The following SLC2A14 variants were observed in gnomAD, a reference collection of about 807,000 sequenced individuals.
The protein encoded by SLC2A14 is solute carrier family 2, facilitated glucose transporter member 14.
In SLC2A14, 13 loss-of-function variants were observed where a neutral mutation model predicts 43.0. The observed-to-expected ratio is 0.30, with a 90% confidence interval of 0.20 to 0.48. The LOEUF (loss-of-function observed/expected upper bound fraction) is 0.48. Ranked by LOEUF, SLC2A14 falls within the 20% of genes least tolerant of loss-of-function variation. The pLI is 0.99. For missense variants in SLC2A14, 428 were observed against 620.4 expected (o/e 0.69, Z 3.29); for synonymous variants, 190 against 233.8 (o/e 0.81, Z 1.71).
At chr12:7,829,554 CA>C (rs36068117) in intron 5 of SLC2A14, among the ~76,000 whole-genome samples, 90,729 of 143,970 alleles carry the variant, frequency 0.63, 27,921 homozygotes, top group African/African-American at 0.71. Flanking sequence ...AACTCCCTCT[CA>C]AAAAAAAAAA....
chr12:7,858,780 T>G (rs1944391224), intron 2 of SLC2A14, among the ~76,000 whole-genome samples: 1 of 152,136 alleles, frequency 6.6e-6, no homozygotes, highest in East Asian at 1.9e-4. Flanking sequence ...ATTACAGGCG[T>G]GAACCACCCT....
intron 2 of SLC2A14, among the ~76,000 whole-genome samples, chr12:7,869,172 G>A (rs1169782331): frequency 2.0e-5 from 3 of 151,120 alleles, no homozygotes; most frequent in Non-Finnish European, 4.4e-5. Context: ...TGTTGACTAA[G>A]TATGCTCTGC....
rs752473109 is a variant in SLC2A14 at position 7,831,875 on chromosome 12, G to A, written c.112-111C>T. 15 of 1,344,278 alleles carry A rather than the reference G, an allele frequency of 1.1e-5. No individual in the cohort carries two copies. In the East Asian group the frequency reaches 1.2e-4, roughly 11 times the overall value. The allele number at this position is 1,344,278 out of a possible 1,614,324, so 83.3% of individuals were successfully genotyped here. ...TGTAATCCCAGCACTTTGGAAGGCC[G>A]AGGCGGGTGGATCACCTGAGGTCAG... On this transcript the variant is annotated intron_variant, in intron 3 of 10. Coordinates refer to ENST00000431042, the MANE Select transcript of SLC2A14 (RefSeq NM_001286234.2).
chr12:7,821,424 T>G, intron 7 of SLC2A14, 99 bp from the exon 8 acceptor site: 1 of 1,054,870 alleles, frequency 9.5e-7, no homozygotes, highest in Non-Finnish European at 1.4e-6. Flanking sequence ...TGCACAGGCC[T>G]GTAATCCCAG....
intron 1 of SLC2A14, among the ~76,000 whole-genome samples, chr12:7,886,291 AG>A (rs1302122658): frequency 1.3e-5 from 2 of 150,726 alleles, no homozygotes; most frequent in African/African-American, 4.9e-5. Flanking sequence ...CCTCCCAAGT[AG>A]CTGGGACCAC....
chr12:7,822,668 CAAAA>C (rs56052601), intron 7 of SLC2A14, among the ~76,000 whole-genome samples: 3 of 119,218 alleles, frequency 2.5e-5, no homozygotes, highest in Admixed American at 8.6e-5. Flanking sequence ...GACTCCATCT[CAAAA>C]AAAAAAAAAA....
chr12:7,849,292 C>T (rs189787479), intron 2 of SLC2A14, among the ~76,000 whole-genome samples: 1 of 151,814 alleles, frequency 6.6e-6, no homozygotes, highest in Admixed American at 6.6e-5. Context: ...TGCTTGAGTC[C>T]AGGAGTTCAA....
In SLC2A14 at chr12:7,818,129, C is replaced by T. The variant is rs77567596; in HGVS notation, c.1072-95G>A. 467 of 1,084,860 alleles carry T rather than the reference C, an allele frequency of 4.3e-4. 1 individual carries two copies. In the African/African-American group the frequency reaches 6.1e-3, roughly 14 times the overall value. The allele number at this position is 1,084,860 out of a possible 1,614,324, so 67.2% of individuals were successfully genotyped here. ...CAACTAATGGCAAGCTCCTCCTGTC[C>T]TGACGTACAATACAAAGAGTGGCTG... On this transcript the variant is annotated intron_variant, in intron 9 of 10. Coordinates refer to ENST00000431042, the MANE Select transcript of SLC2A14 (RefSeq NM_001286234.2).
chr12:7,884,776 G>C (rs1452722665), intron 1 of SLC2A14, among the ~76,000 whole-genome samples: 1 of 152,064 alleles, frequency 6.6e-6, no homozygotes, highest in Non-Finnish European at 1.5e-5. Flanking sequence ...ATTTTTGTTT[G>C]TTAAACTTTG....
At chr12:7,831,909 G>A in intron 3 of SLC2A14, 145 bp from the exon 4 acceptor site, 1 of 860,270 alleles carries the variant, frequency 1.2e-6, no homozygotes, top group Non-Finnish European at 1.8e-6. Flanking sequence ...AGGAGTTGCA[G>A]ACCAACCTGA....
intron 1 of SLC2A14, chr12:7,871,317 T>G: frequency 9.4e-7 from 1 of 1,064,650 alleles, no homozygotes; most frequent in South Asian, 2.6e-5. Context: ...AAAGACAAGT[T>G]CAACTAGGTG....
chr12:7,818,882 C>A (rs1178184058), intron 9 of SLC2A14, among the ~76,000 whole-genome samples: 1 of 151,692 alleles, frequency 6.6e-6, no homozygotes, highest in South Asian at 2.1e-4. Flanking sequence ...TACTGAGACC[C>A]CGTCATCATC....
At chr12:7,833,356 T>C (rs1865189851) in intron 2 of SLC2A14, among the ~76,000 whole-genome samples, 1 of 152,202 alleles carries the variant, frequency 6.6e-6, no homozygotes, top group Admixed American at 6.5e-5. Flanking sequence ...CTGGATCTAC[T>C]CACTGCATCC....
rs886766812 is a variant in SLC2A14, at chr12:7,813,566, C to A, written c.*750G>T. On this transcript the variant is annotated 3_prime_UTR_variant, in exon 11 of 11. Transcript: ENST00000431042. ...TGAGTAGCTTTATTAAATAGGCATA[C>A]AACTTTTCTGAGAAATCAAAGAGTT... is the stretch of plus-strand genomic sequence containing the variant. The A allele has an allele frequency of 1.3e-5, 2 of 152,104 alleles. No individual in the cohort carries two copies. The highest frequency in any genetic ancestry group is 2.4e-5 in the African/African-American group (1 of 41,382). 9.4% of individuals were successfully genotyped at this position (152,104 alleles called of 1,614,324 possible).
At chr12:7,862,264 C>CAAAAAAA (rs71038792) in intron 2 of SLC2A14, among the ~76,000 whole-genome samples, 2 of 58,908 alleles carry the variant, frequency 3.4e-5, no homozygotes, top group Non-Finnish European at 6.1e-5. Context: ...ACTTGTCTCT[C>CAAAAAAA]AAAAAAAAAA....
intron 2 of SLC2A14, among the ~76,000 whole-genome samples, chr12:7,836,530 T>C (rs1253452454): frequency 6.6e-6 from 1 of 152,060 alleles, no homozygotes; most frequent in Non-Finnish European, 1.5e-5. Flanking sequence ...CAACCACAGA[T>C]GTAATTAAAA....
At chr12:7,860,070 T>C (rs891967933) in intron 2 of SLC2A14, among the ~76,000 whole-genome samples, 3 of 152,138 alleles carry the variant, frequency 2.0e-5, no homozygotes, top group Non-Finnish European at 4.4e-5. Context: ...GCTAGTAACA[T>C]CCTTGGTATT....
intron 10 of SLC2A14, 117 bp from the exon 11 acceptor site, chr12:7,814,651 T>C (rs1863276973): frequency 1.1e-5 from 12 of 1,105,138 alleles, no homozygotes; most frequent in Non-Finnish European, 1.5e-5. Flanking sequence ...CCATATTTAA[T>C]GAAAACATAA....
chr12:7,858,233 T>C (rs542973720), intron 2 of SLC2A14, among the ~76,000 whole-genome samples: 97 of 152,306 alleles, frequency 6.4e-4, no homozygotes, highest in Admixed American at 2.6e-3. Context: ...GAACCATTCC[T>C]GTCAGTCATC....
Sources: allele counts gnomAD v4.1 joint callset (sites outside exome capture counted in the v4.1 genomes callset), GRCh38; gene constraint gnomAD v4.1.1; transcripts MANE v1.5; gene names NCBI Gene and HGNC (gene_info 2026-07-23, HGNC 2026-07-21).